Variants in SPON2 observed in about 807,000 individuals in gnomAD.
SPON2 encodes spondin-2.
In SPON2, 32 loss-of-function variants were observed where a neutral mutation model predicts 29.9. That is an observed-to-expected ratio of 1.07 (90% CI 0.81 to 1.44). The LOEUF is 1.44. SPON2 is among the 40% of genes most tolerant of loss of function. The pLI is 0.00. For synonymous variants in SPON2, 248 were observed against 209.1 expected (o/e 1.19, Z -1.61); for missense variants, 541 against 455.5 (o/e 1.19, Z -1.71).
At chr4:1,186,268 C>A (rs1577905434) in intron 1 of SPON2, among the ~76,000 whole-genome samples, 2 of 147,442 alleles carry the variant, frequency 1.4e-5, no homozygotes. Flanking sequence ...AAGGCAACAT[C>A]AACAGAGTAA....
At chr4:1,181,855 C>G (rs1727707002) in intron 1 of SPON2, among the ~76,000 whole-genome samples, 1 of 152,184 alleles carries the variant, frequency 6.6e-6, no homozygotes, top group Non-Finnish European at 1.5e-5. Context: ...CCTATTGTTT[C>G]ACCTTCCCCC....
At position 1,171,959 on chromosome 4, in the gene SPON2, C is replaced by T. The variant is rs1456984573; in HGVS notation, c.113G>A (p.Arg38Lys). ...PLGGESICSA[R>K]ALAKYSITFT... ...GGTGATGCTGTATTTGGCCAGGGCT[C>T]TGGCGGAACAGATGGACTCTCCCCC... The change falls in exon 2 of 6, where the codon AGA (arginine) becomes AAA (lysine). Residue 38 changes from arginine (R) to lysine (K), a missense_variant. Transcript: ENST00000290902. The T allele has an allele frequency of 1.9e-6, 3 of 1,612,776 alleles. No individual in the cohort carries two copies. The highest frequency in any genetic ancestry group is 2.5e-6 in the Non-Finnish European group (3 of 1,179,862).
intron 1 of SPON2, among the ~76,000 whole-genome samples, chr4:1,183,172 G>A (rs182871149): frequency 1.3e-5 from 2 of 150,512 alleles, no homozygotes; most frequent in Non-Finnish European, 2.9e-5. Flanking sequence ...AACACGGGAG[G>A]TGGAGGTTGC....
intron 1 of SPON2, among the ~76,000 whole-genome samples, chr4:1,204,529 C>T (rs191229616): frequency 6.6e-6 from 1 of 152,106 alleles, no homozygotes; most frequent in African/African-American, 2.4e-5. Flanking sequence ...GCGACCCACG[C>T]ACCAGCTCCA....
chr4:1,173,859 C>T (rs909821500), upstream of SPON2, among the ~76,000 whole-genome samples: 1 of 152,244 alleles, frequency 6.6e-6, no homozygotes, highest in South Asian at 2.1e-4. Flanking sequence ...AAATTTCCAC[C>T]TCCGTGCTTC....
chr4:1,207,051 G>T (rs1368050262), intron 1 of SPON2, among the ~76,000 whole-genome samples: 1 of 151,468 alleles, frequency 6.6e-6, no homozygotes, highest in Non-Finnish European at 1.5e-5. Flanking sequence ...CGGGTGGGGA[G>T]CACGGGGAGG....
Position 1,186,137 on chromosome 4 carries a change from A to G in SPON2, c.-238-6596T>C, listed in dbSNP as rs371191900. 1.5e-3 allele frequency among the ~76,000 whole-genome samples: 224 copies of G among 148,954 alleles called. 1 individual carries two copies. The highest frequency in any genetic ancestry group is 4.6e-3 in the South Asian group (21 of 4,552). On this transcript the variant is annotated intron_variant, in intron 1 of 3. Coordinates refer to the SPON2 transcript ENST00000502483. ...TGGGCGCCTGTAGTCCCAGCTACTC[A>G]GGAGGCTGAGGCAGGAGAATGGTGT...
chr4:1,184,781 T>A (rs900989025), intron 1 of SPON2, among the ~76,000 whole-genome samples: 8 of 151,576 alleles, frequency 5.3e-5, no homozygotes, highest in African/African-American at 1.9e-4. Context: ...AACAAAAATT[T>A]AAAAAATTAG....
At chr4:1,205,200 G>A (rs991068439) in intron 1 of SPON2, 1 of 152,412 alleles carries the variant, frequency 6.6e-6, no homozygotes, top group Non-Finnish European at 1.5e-5. Flanking sequence ...CACAGGGCAG[G>A]GCCCTGGGGG....
At chr4:1,176,755 T>A (rs577669627), upstream of SPON2, among the ~76,000 whole-genome samples, 1 of 151,888 alleles carries the variant, frequency 6.6e-6, no homozygotes, top group South Asian at 2.1e-4. Context: ...ATGCACTAAT[T>A]CACTCACACA....
At chr4:1,199,216 T>C (rs1336791996), upstream of SPON2, 2 of 151,914 alleles carry the variant, frequency 1.3e-5, no homozygotes, top group Non-Finnish European at 2.9e-5. This position sits in a 1 kb window ranked among gnomAD's most constrained non-coding sequence, Gnocchi z 4.5. Flanking sequence ...CTGACCAACA[T>C]AGTGAAATCC....
At chr4:1,187,214 G>T (rs569688146) in intron 1 of SPON2, among the ~76,000 whole-genome samples, 4 of 152,324 alleles carry the variant, frequency 2.6e-5, no homozygotes, top group African/African-American at 9.6e-5. Context: ...AAGGACATAT[G>T]CTATAATATG....
Position 1,189,878 on chromosome 4 carries a change from A to G in SPON2, c.-239+5112T>C, listed in dbSNP as rs1447496466. Among the ~76,000 whole-genome samples, 5 of 150,436 alleles carry G rather than the reference A, an allele frequency of 3.3e-5. No homozygotes were observed. The Admixed American group carries it at 3.3e-4, about 10-fold the overall frequency. On this transcript the variant is annotated intron_variant, in intron 1 of 3. Coordinates refer to the SPON2 transcript ENST00000502483. Reference sequence around the variant, plus strand: ...GTGGCACCCACCTGTAGTCCCAGCTACCCACGAGGCTGAGGTAGGAGAATG... The same window carrying G: ...GTGGCACCCACCTGTAGTCCCAGCTGCCCACGAGGCTGAGGTAGGAGAATG...
chr4:1,168,048 G>C (rs956324776), intron 5 of SPON2: 3 of 191,316 alleles, frequency 1.6e-5, no homozygotes, highest in African/African-American at 7.4e-5. Context: ...CCGAATAACA[G>C]ACAGGGGCAC....
upstream of SPON2, among the ~76,000 whole-genome samples, chr4:1,174,538 T>C (rs922998165): frequency 1.3e-5 from 2 of 151,222 alleles, no homozygotes; most frequent in Non-Finnish European, 2.9e-5. Context: ...AAAAACTAAT[T>C]GAGGACACTG....
chr4:1,178,632 C>T (rs1339820097), intron 2 of SPON2, among the ~76,000 whole-genome samples: 1 of 149,676 alleles, frequency 6.7e-6, no homozygotes, highest in Non-Finnish European at 1.5e-5. Flanking sequence ...AGAACAGCTG[C>T]AGGCCCCACC....
chr4:1,195,053 C>G (rs1203996335), exon 1 of SPON2: 7 of 121,184 alleles, frequency 5.8e-5, no homozygotes, highest in African/African-American at 1.8e-4. Context: ...CGGCTCCAAC[C>G]CCGCAGCCGG....
intron 1 of SPON2, among the ~76,000 whole-genome samples, chr4:1,181,671 ATCC>A (rs1332172674): frequency 2.0e-5 from 3 of 152,158 alleles, no homozygotes; most frequent in African/African-American, 4.8e-5. Context: ...GCAGTCACCC[ATCC>A]TCCCCACCAG....
chr4:1,184,791 G>T (rs1195165247), intron 1 of SPON2, among the ~76,000 whole-genome samples: 1 of 151,916 alleles, frequency 6.6e-6, no homozygotes, highest in Non-Finnish European at 1.5e-5. Flanking sequence ...TAAAAAATTA[G>T]CCGGGTGTCA....
Sources: allele counts gnomAD v4.1 joint callset (sites outside exome capture counted in the v4.1 genomes callset), GRCh38; gene constraint gnomAD v4.1.1; non-coding constraint Gnocchi (gnomAD v3.1); transcripts MANE v1.5; gene names NCBI Gene and HGNC (gene_info 2026-07-23, HGNC 2026-07-21).